The following FYB2 variants were observed in gnomAD, a reference collection of about 807,000 sequenced individuals.
The protein encoded by FYB2 is FYN binding protein 2, also known as FYN-binding protein 2.
In FYB2, 103 loss-of-function variants were observed where a neutral mutation model predicts 94.1. The ratio of observed to expected loss-of-function variants is 1.09; its 90% CI spans 0.93 to 1.29. The LOEUF is 1.29. FYB2 is among the 50% of genes most tolerant of loss of function. FYB2 has a pLI of 0.00. For synonymous variants in FYB2, 293 were observed against 287.9 expected, an observed-to-expected ratio of 1.02 and a Z score of -0.18; for missense variants, 896 against 841.5, an observed-to-expected ratio of 1.06 and a Z score of -0.80.
chr1:56,812,256 G>C (rs923388602), intron 1 of FYB2, among the ~76,000 whole-genome samples: 3 of 152,176 alleles, frequency 2.0e-5, no homozygotes, highest in Non-Finnish European at 2.9e-5. Flanking sequence ...ATTTCAAGTA[G>C]ATGACAGACC....
chr1:56,766,243 G>C (rs1236890875), intron 5 of FYB2, among the ~76,000 whole-genome samples: 1 of 152,122 alleles, frequency 6.6e-6, no homozygotes, highest in Non-Finnish European at 1.5e-5. Context: ...GCTAGAAATT[G>C]AGAAGCCCTG....
intron 1 of FYB2, among the ~76,000 whole-genome samples, chr1:56,797,953 G>C (rs1646438163): frequency 6.6e-6 from 1 of 152,126 alleles, no homozygotes; most frequent in Non-Finnish European, 1.5e-5. Flanking sequence ...GCCCACTGCT[G>C]TAGTGCCAGT....
intron 15 of FYB2, among the ~76,000 whole-genome samples, chr1:56,735,862 T>G (rs1197143347): frequency 6.6e-6 from 1 of 152,128 alleles, no homozygotes; most frequent in Non-Finnish European, 1.5e-5. Flanking sequence ...AGGTATTTCT[T>G]TATAGCAGTG....
chr1:56,789,129 G>C lies in FYB2; in HGVS notation c.763C>G (p.Gln255Glu). Residue 255 changes from glutamine (Q) to glutamate (E), a missense_variant, in exon 3 of 20, where the codon CAG becomes GAG. Physicochemically the swap from Gln to Glu is conservative, Grantham distance 29. Coordinates refer to ENST00000343433, the MANE Select transcript of FYB2 (RefSeq NM_001004303.5). ...CELASQAPEK[Q>E]PDVRHHHLPK... Reference sequence around the variant, plus strand: ...AGGTGGTGATGCCTGACATCTGGCTGTTTTTCTGAACACAAGACAGTAAAA... The same window carrying C: ...AGGTGGTGATGCCTGACATCTGGCTCTTTTTCTGAACACAAGACAGTAAAA... The C allele has an allele frequency of 6.3e-7, 1 of 1,578,904 alleles. No individual in the cohort carries two copies. The highest frequency in any genetic ancestry group is 8.6e-7 in the Non-Finnish European group (1 of 1,164,778).
At chr1:56,794,523 T>C (rs933824722) in intron 1 of FYB2, among the ~76,000 whole-genome samples, 1 of 152,168 alleles carries the variant, frequency 6.6e-6, no homozygotes, top group Non-Finnish European at 1.5e-5. Context: ...CGACCTTTTC[T>C]CACCATATTT....
intron 17 of FYB2, among the ~76,000 whole-genome samples, chr1:56,721,960 A>G (rs988910482): frequency 6.6e-6 from 1 of 152,082 alleles, no homozygotes; most frequent in Non-Finnish European, 1.5e-5. Flanking sequence ...AGCTGGACAA[A>G]AATTATTGAA....
chr1:56,796,509 C>A (rs1646401227), intron 1 of FYB2, among the ~76,000 whole-genome samples: 1 of 152,170 alleles, frequency 6.6e-6, no homozygotes, highest in Non-Finnish European at 1.5e-5. Context: ...CCATTCTGAG[C>A]CCCTGTAATC....
intron 16 of FYB2, among the ~76,000 whole-genome samples, chr1:56,726,078 T>C (rs1040412360): frequency 6.6e-6 from 1 of 152,088 alleles, no homozygotes; most frequent in Non-Finnish European, 1.5e-5. Flanking sequence ...ATAACTAGAA[T>C]TATATTTTAG....
chr1:56,727,823 T>C (rs1292980619), intron 15 of FYB2, among the ~76,000 whole-genome samples: 1 of 152,140 alleles, frequency 6.6e-6, no homozygotes, highest in Non-Finnish European at 1.5e-5. Flanking sequence ...AACTTTTTGT[T>C]TTCTTTTGAT....
At chr1:56,779,001 A>C (rs931571776) in intron 4 of FYB2, among the ~76,000 whole-genome samples, 14 of 152,152 alleles carry the variant, frequency 9.2e-5, no homozygotes, top group African/African-American at 3.4e-4. Context: ...AAGATGACAC[A>C]CACAAGAAAA....
intron 1 of FYB2, among the ~76,000 whole-genome samples, chr1:56,799,551 C>G (rs1403700316): frequency 6.6e-6 from 1 of 152,024 alleles, no homozygotes; most frequent in Non-Finnish European, 1.5e-5. Flanking sequence ...AATTACATGG[C>G]CATTGTGACC....
chr1:56,813,809 G>A (rs1422380271), intron 1 of FYB2, among the ~76,000 whole-genome samples: 2 of 152,150 alleles, frequency 1.3e-5, no homozygotes, highest in Admixed American at 6.5e-5. Context: ...TAAGATATAG[G>A]TACTATTTTT....
intron 1 of FYB2, among the ~76,000 whole-genome samples, chr1:56,803,253 G>T (rs1295542582): frequency 6.6e-6 from 1 of 152,124 alleles, no homozygotes; most frequent in Non-Finnish European, 1.5e-5. Flanking sequence ...TTCATATAAT[G>T]CAAGATAAAT....
Position 56,758,723 on chromosome 1 carries a change from A to G in FYB2, c.1091T>C (p.Leu364Pro). 1.3e-6 allele frequency: 2 copies of G among 1,594,228 alleles called. No individual in the cohort carries two copies. The highest frequency in any genetic ancestry group is 1.7e-6 in the Non-Finnish European group (2 of 1,169,480). ...GGTAAGGAGAAACAATACCTTTTGG[A>G]GTTCTTCAATTCCAACTTCATAAGT... ...DPTYEVGIEE[L>P]QKPGKNFPYP... Residue 364 changes from leucine (L) to proline (P), a missense_variant, in exon 6 of 20, where the codon CTC (leucine) becomes CCC (proline). By Grantham distance (98) the Leu-to-Pro change is moderately conservative. Coordinates refer to ENST00000343433, the MANE Select transcript of FYB2 (RefSeq NM_001004303.5).
At chr1:56,721,768 C>G (rs1644490079) in intron 17 of FYB2, among the ~76,000 whole-genome samples, 1 of 152,106 alleles carries the variant, frequency 6.6e-6, no homozygotes, top group Non-Finnish European at 1.5e-5. Flanking sequence ...CTCTTAACCA[C>G]TTCACATGAA....
chr1:56,755,658 A>C (rs1378338131), intron 7 of FYB2, among the ~76,000 whole-genome samples: 1 of 152,102 alleles, frequency 6.6e-6, no homozygotes, highest in Non-Finnish European at 1.5e-5. Context: ...TATCTGGCAC[A>C]TGTTGGGTAC....
intron 1 of FYB2, among the ~76,000 whole-genome samples, chr1:56,811,906 G>C (rs1006413576): frequency 6.6e-6 from 1 of 150,796 alleles, no homozygotes; most frequent in Non-Finnish European, 1.5e-5. Context: ...CGACTTTTCA[G>C]TTGTTAAAAA....
chr1:56,792,809 G>A lies in FYB2; in HGVS notation c.10-6C>T. 1 of 1,593,120 alleles carries A rather than the reference G, an allele frequency of 6.3e-7. No individual in the cohort carries two copies. On this transcript the variant is annotated splice_region_variant and splice_polypyrimidine_tract_variant and intron_variant, in intron 1 of 19. Coordinates refer to ENST00000343433, the MANE Select transcript of FYB2 (RefSeq NM_001004303.5). Reference sequence around the variant, plus strand: ...TTGAAGTTTCTTACCCCTTCCTAAGGCAAAGAATAATCAAACAAACAAACA... The same window carrying A: ...TTGAAGTTTCTTACCCCTTCCTAAGACAAAGAATAATCAAACAAACAAACA...
intron 16 of FYB2, among the ~76,000 whole-genome samples, chr1:56,724,249 T>G (rs115183298): frequency 0.011 from 1,727 of 152,086 alleles, 30 homozygotes; most frequent in African/African-American, 0.04. Context: ...TTTTGGAGGA[T>G]GAATACCATT....
Sources: allele counts gnomAD v4.1 joint callset (sites outside exome capture counted in the v4.1 genomes callset), GRCh38; gene constraint gnomAD v4.1.1; transcripts MANE v1.5; gene names NCBI Gene and HGNC (gene_info 2026-07-23, HGNC 2026-07-21).